Variants in CDKN2B-AS1 observed in about 807,000 individuals in gnomAD.
The protein encoded by CDKN2B-AS1 is CDKN2B and CDKN2A antisense cis and trans regulatory RNA 1, also known as CDKN2B antisense RNA 1 (non-protein coding).
At chr9:22,084,557 A>T (rs1209284201) in intron 4 of CDKN2B-AS1, among the ~76,000 whole-genome samples, 1 of 152,036 alleles carries the variant, frequency 6.6e-6, no homozygotes, top group Non-Finnish European at 1.5e-5. Context: ...CTCTCAGAGA[A>T]AGGGGGTGGG....
chr9:22,065,528 C>T (rs567276134), intron 4 of CDKN2B-AS1: 7 of 152,176 alleles, frequency 4.6e-5, no homozygotes, highest in Admixed American at 2.0e-4. Context: ...GTACTTGAGA[C>T]GTTACAATTT....
chr9:22,023,719 G>T (rs540568943), intron 1 of CDKN2B-AS1, among the ~76,000 whole-genome samples: 116 of 152,298 alleles, frequency 7.6e-4, no homozygotes, highest in African/African-American at 2.7e-3. Flanking sequence ...CTCCAGCCTG[G>T]GTGAGTTGAG....
chr9:22,011,505 A>T (rs1821508382), intron 1 of CDKN2B-AS1, among the ~76,000 whole-genome samples: 1 of 152,218 alleles, frequency 6.6e-6, no homozygotes, highest in Non-Finnish European at 1.5e-5. Flanking sequence ...TATACTAGCT[A>T]ATCATTGTTG....
intron 1 of CDKN2B-AS1, among the ~76,000 whole-genome samples, chr9:22,013,958 G>C (rs970917857): frequency 1.3e-5 from 2 of 151,968 alleles, no homozygotes; most frequent in African/African-American, 4.8e-5. Context: ...TGTGATTCAG[G>C]TTTGATATTT....
rs538539304 is a variant in CDKN2B-AS1, at chr9:22,114,947, C to T, written n.439-12156C>T. 3.0e-4 allele frequency among the ~76,000 whole-genome samples: 46 copies of T among 152,230 alleles called. No individual in the cohort carries two copies. In the South Asian group the frequency reaches 8.3e-3, roughly 28 times the overall value. ...TTTTAAAATACTTTAACTCATGGCC[C>T]GATGATTTTCAGTTAACCAAATTCT... On this transcript the variant is annotated intron_variant and non_coding_transcript_variant, in intron 4 of 4. Coordinates refer to ENST00000650946, the Ensembl canonical transcript of CDKN2B-AS1.
chr9:22,106,877 T>A (rs1825673621), intron 4 of CDKN2B-AS1, among the ~76,000 whole-genome samples: 1 of 152,206 alleles, frequency 6.6e-6, no homozygotes, highest in South Asian at 2.1e-4. Flanking sequence ...AGGACTAATG[T>A]TATCTCATTT....
At chr9:22,052,816 G>T (rs1823408621) in intron 3 of CDKN2B-AS1, among the ~76,000 whole-genome samples, 1 of 152,120 alleles carries the variant, frequency 6.6e-6, no homozygotes, top group African/African-American at 2.4e-5. Context: ...CTTTTGGGGG[G>T]TTCCCCCTCC....
intron 3 of CDKN2B-AS1, among the ~76,000 whole-genome samples, chr9:22,055,224 A>T (rs1823509674): frequency 6.6e-6 from 1 of 152,238 alleles, no homozygotes; most frequent in African/African-American, 2.4e-5. Context: ...AAATGGTTAA[A>T]TCAAACTAAG....
intron 4 of CDKN2B-AS1, among the ~76,000 whole-genome samples, chr9:22,059,773 A>G (rs567535388): frequency 3.3e-5 from 5 of 152,204 alleles, no homozygotes; most frequent in African/African-American, 1.2e-4. Context: ...AGGCATTTCC[A>G]TACATCTTCT....
rs145150738 is a variant in CDKN2B-AS1 at position 22,022,602 on chromosome 9, C to G, written n.30-24149C>G. On this transcript the variant is annotated intron_variant and non_coding_transcript_variant, in intron 1 of 4. Transcript: ENST00000650946. ...CGATGGGTCTTGGCTCTTTACTTGG[C>G]TTGCCGCTCTGTCTTCTAATTGGTG... 7.1e-3 allele frequency among the ~76,000 whole-genome samples: 1,078 copies of G among 152,190 alleles called. 6 individuals are homozygous for G. The highest frequency in any genetic ancestry group is 0.025 in the African/African-American group (1,027 of 41,508).
At chr9:22,024,803 C>T (rs1031318981) in intron 1 of CDKN2B-AS1, among the ~76,000 whole-genome samples, 4 of 152,162 alleles carry the variant, frequency 2.6e-5, no homozygotes, top group African/African-American at 4.8e-5. Flanking sequence ...AGCGAACACC[C>T]GGCTGGTGTG....
intron 3 of CDKN2B-AS1, among the ~76,000 whole-genome samples, chr9:22,050,081 T>C (rs966531105): frequency 2.0e-5 from 3 of 152,180 alleles, no homozygotes; most frequent in Non-Finnish European, 4.4e-5. Flanking sequence ...GCTAAGTCTG[T>C]ATTTCTCTTT....
At chr9:22,020,291 T>C (rs1237698511) in intron 1 of CDKN2B-AS1, among the ~76,000 whole-genome samples, 2 of 152,350 alleles carry the variant, frequency 1.3e-5, no homozygotes, top group Non-Finnish European at 1.5e-5. Context: ...GGCATTTATG[T>C]TGATTCAATT....
At chr9:22,092,135 C>T (rs1004685034) in intron 4 of CDKN2B-AS1, among the ~76,000 whole-genome samples, 25 of 152,034 alleles carry the variant, frequency 1.6e-4, no homozygotes, top group African/African-American at 5.3e-4. Context: ...TATTGATTTG[C>T]GTATGTTGAA....
rs766409949 is a variant in CDKN2B-AS1 at position 22,008,753 on chromosome 9, G to T, written n.29+13592G>T. The T allele has an allele frequency of 5.6e-6, 9 of 1,610,030 alleles. No individual in the cohort carries two copies. The South Asian group carries it at 8.8e-5, about 16-fold the overall frequency. Reference sequence around the variant, plus strand: ...CCCCGATCCGCCGAGGCCGCGCCCCGCGTTCGCGCGCCCCCTGCCGGCGAG... The same window carrying T: ...CCCCGATCCGCCGAGGCCGCGCCCCTCGTTCGCGCGCCCCCTGCCGGCGAG... On this transcript the variant is annotated intron_variant and non_coding_transcript_variant, in intron 1 of 4. Coordinates refer to ENST00000650946, the Ensembl canonical transcript of CDKN2B-AS1.
intron 1 of CDKN2B-AS1, chr9:22,029,410 C>T (rs550817028): frequency 6.4e-6 from 5 of 779,084 alleles, no homozygotes; most frequent in East Asian, 4.9e-5. Flanking sequence ...CTGACAAATC[C>T]AGATTTTTTG....
intron 1 of CDKN2B-AS1, chr9:22,008,912 G>T: frequency 6.2e-7 from 1 of 1,612,850 alleles, no homozygotes. Flanking sequence ...GACCCTCATC[G>T]CTGCCGCCCC....
In CDKN2B-AS1 at chr9:22,006,308, G is replaced by A; in HGVS notation, n.29+11147G>A. Reference sequence around the variant, plus strand: ...GGGGCAGGTATGGGAGATGCCGGCCGGGGCAAGGCAGGTGGAGCCATTTAA... The same window carrying A: ...GGGGCAGGTATGGGAGATGCCGGCCAGGGCAAGGCAGGTGGAGCCATTTAA... On this transcript the variant is annotated intron_variant and non_coding_transcript_variant, in intron 1 of 4. Coordinates refer to ENST00000650946, the Ensembl canonical transcript of CDKN2B-AS1. This position sits in a 1 kb window ranked among gnomAD's most constrained non-coding sequence, Gnocchi z 6.4. The A allele has an allele frequency of 2.5e-6, 4 of 1,595,172 alleles. No homozygotes were observed. Among genetic ancestry groups the A allele is most frequent in the Non-Finnish European group, 3.4e-6 (4 of 1,177,614 alleles).
chr9:22,084,002 T>G (rs1223798390), intron 4 of CDKN2B-AS1, among the ~76,000 whole-genome samples: 1 of 152,350 alleles, frequency 6.6e-6, no homozygotes, highest in Admixed American at 6.5e-5. Context: ...TGACCATTGA[T>G]TGAAACTTTT....
Sources: allele counts gnomAD v4.1 joint callset (sites outside exome capture counted in the v4.1 genomes callset), GRCh38; gene constraint gnomAD v4.1.1; non-coding constraint Gnocchi (gnomAD v3.1); transcripts MANE v1.5; gene names NCBI Gene and HGNC (gene_info 2026-07-23, HGNC 2026-07-21).